Variants in NCOA6 observed in about 807,000 individuals in gnomAD.
NCOA6 encodes NRC RAP250.
A neutral mutation model predicts 171.4 loss-of-function variants in NCOA6; 49 were observed. The observed-to-expected ratio is 0.29, with a 90% CI of 0.23 to 0.36. The LOEUF is 0.36. NCOA6 is among the 10% of genes least tolerant of loss of function. The pLI, the probability that NCOA6 is intolerant of heterozygous loss-of-function variation, is 1.00. For synonymous variants in NCOA6, 910 were observed against 927.5 expected, an observed-to-expected ratio of 0.98 and a Z score of 0.34; for missense variants, 2,248 against 2,554.5, an observed-to-expected ratio of 0.88 and a Z score of 2.59.
intron 3 of NCOA6, 62 bp downstream of exon 3, chr20:34,782,059 C>G (rs2077528850): frequency 2.5e-6 from 3 of 1,191,722 alleles, no homozygotes; most frequent in Non-Finnish European, 3.5e-6. Context: ...CTCAAGATAA[C>G]CATGGAAGGG....
In NCOA6 at chr20:34,749,450, C is replaced by T. The variant is rs1347513922; in HGVS notation, c.2745G>A (p.Lys915=). 4 of 1,613,088 alleles carry T rather than the reference C, an allele frequency of 2.5e-6. No individual in the cohort carries two copies. In the Admixed American group the frequency reaches 6.7e-5, roughly 27 times the overall value. ...TCTTCTTCCGAGGGGGTTTCTTCTTCTTCGGTTTATTTGCGTTGGTATTAT... is the reference window on the plus strand; with the variant it reads ...TCTTCTTCCGAGGGGGTTTCTTCTTTTTCGGTTTATTTGCGTTGGTATTAT... ...KQNNTNANKP[K]KKKPPRKKKN... Residue 915 remains lysine, a synonymous_variant, in exon 9 of 15, where the codon AAG becomes AAA. Transcript: ENST00000359003.
intron 13 of NCOA6, among the ~76,000 whole-genome samples, chr20:34,731,967 G>A (rs1039156660): frequency 6.6e-6 from 1 of 152,220 alleles, no homozygotes; most frequent in East Asian, 1.9e-4. Flanking sequence ...GTTGCAGTGT[G>A]CCGAGATCGT....
intron 12 of NCOA6, among the ~76,000 whole-genome samples, chr20:34,735,789 T>C (rs2075937020): frequency 6.6e-6 from 1 of 152,208 alleles, no homozygotes; most frequent in Admixed American, 6.5e-5. Context: ...CATTCTGAAG[T>C]AGGTTTTAAA....
chr20:34,730,405 G>T (rs951547216), intron 13 of NCOA6, among the ~76,000 whole-genome samples: 2 of 151,998 alleles, frequency 1.3e-5, no homozygotes, highest in Non-Finnish European at 2.9e-5. Context: ...CCTAATGAAA[G>T]TGCCTCTTTC....
chr20:34,715,734 G>A (rs970621432), intron 14 of NCOA6, among the ~76,000 whole-genome samples: 2 of 152,156 alleles, frequency 1.3e-5, no homozygotes, highest in Non-Finnish European at 2.9e-5. Flanking sequence ...AGAAATCAAC[G>A]AGTAATGCCA....
At chr20:34,812,943 T>C (rs963843713) in intron 1 of NCOA6, among the ~76,000 whole-genome samples, 27 of 152,000 alleles carry the variant, frequency 1.8e-4, no homozygotes, top group African/African-American at 6.5e-4. Context: ...CCACCTATAA[T>C]GAGGTCAGGA....
chr20:34,742,187 C>T lies in NCOA6; in HGVS notation c.4069G>A (p.Ala1357Thr), dbSNP rs1407463066. The change falls in exon 11 of 15, where the codon GCC becomes ACC. Residue 1357 changes from alanine to threonine, a missense_variant. Coordinates refer to ENST00000359003, the MANE Select transcript of NCOA6 (RefSeq NM_014071.5). Reference protein sequence around the residue: ...QNSKAPKLTLASQTNAALLQN... With the variant: ...QNSKAPKLTLTSQTNAALLQN... ...AATAGGGCTGCATTTGTCTGAGAGG[C>T]CAGAGTAAGTTTAGGGGCTTTTGAA... 6.2e-7 allele frequency: 1 copy of T among 1,614,176 alleles called. No individual in the cohort carries two copies. The highest frequency in any genetic ancestry group is 1.1e-5 in the South Asian group (1 of 91,088).
In NCOA6 at chr20:34,719,402, C is replaced by T. The variant is rs186913435; in HGVS notation, c.6149-4037G>A. On this transcript the variant is annotated intron_variant, in intron 14 of 14. Coordinates refer to ENST00000359003, the MANE Select transcript of NCOA6 (RefSeq NM_014071.5). Reference sequence around the variant, plus strand: ...TCCCAGAACTTTGATTAGCAGAGGTCGGCAGATCACTTGAGGTCAGGAGTT... The same window carrying T: ...TCCCAGAACTTTGATTAGCAGAGGTTGGCAGATCACTTGAGGTCAGGAGTT... Among the ~76,000 whole-genome samples, 956 of 152,076 alleles carry T rather than the reference C, an allele frequency of 6.3e-3. 2 individuals are homozygous for T. Among genetic ancestry groups the T allele is most frequent in the Non-Finnish European group, 0.01 (702 of 67,996 alleles).
At chr20:34,781,231 A>G (rs2077508687) in intron 3 of NCOA6, among the ~76,000 whole-genome samples, 1 of 152,184 alleles carries the variant, frequency 6.6e-6, no homozygotes, top group South Asian at 2.1e-4. Flanking sequence ...ATCTCAAAAG[A>G]TAAAACCCCC....
intron 13 of NCOA6, among the ~76,000 whole-genome samples, chr20:34,729,052 G>C (rs775564925): frequency 1.3e-5 from 2 of 152,188 alleles, no homozygotes; most frequent in Non-Finnish European, 2.9e-5. Flanking sequence ...CTGTGTTCAA[G>C]CAATTCTCCT....
intron 8 of NCOA6, among the ~76,000 whole-genome samples, chr20:34,752,718 C>T (rs1046973284): frequency 6.6e-6 from 1 of 152,016 alleles, no homozygotes; most frequent in African/African-American, 2.4e-5. Context: ...CACCTGAGGT[C>T]AGGAGTTCGA....
Position 34,742,687 on chromosome 20 carries a change from G to A in NCOA6, c.3569C>T (p.Pro1190Leu), listed in dbSNP as rs2076182335. 6.2e-7 allele frequency: 1 copy of A among 1,614,160 alleles called. No individual in the cohort carries two copies. Among genetic ancestry groups the A allele is most frequent in the Non-Finnish European group, 8.5e-7 (1 of 1,180,036 alleles). ...TPQQPPVNSL[P>L]SSHGHHFPNV... ...TGGGAAGTGGTGGCCGTGAGAGCTG[G>A]GCAGGGAATTTACAGGGGGTTGCTG... Residue 1190 changes from proline (P) to leucine (L), a missense_variant, in exon 11 of 15, where the codon CCC becomes CTC. By Grantham distance (98) the Pro-to-Leu change is moderately conservative. Coordinates refer to ENST00000359003, the MANE Select transcript of NCOA6 (RefSeq NM_014071.5).
intron 11 of NCOA6, among the ~76,000 whole-genome samples, chr20:34,738,236 G>C (rs968653444): frequency 4.6e-5 from 7 of 152,086 alleles, no homozygotes; most frequent in Admixed American, 4.6e-4. Flanking sequence ...AAGCACAGAA[G>C]CCCCTTGAAA....
intron 14 of NCOA6, among the ~76,000 whole-genome samples, chr20:34,719,885 G>A (rs917146167): frequency 6.6e-6 from 1 of 152,136 alleles, no homozygotes; most frequent in Non-Finnish European, 1.5e-5. Context: ...ATAAATGTAT[G>A]TTCACTTGCA....
rs761643564 is a variant in NCOA6, at chr20:34,750,345, G to A, written c.1850C>T (p.Pro617Leu). ...GTGCATGCCCATCAGCTGAGATGGT[G>A]GGCCCTGCTGGGGCTGGCCTTGCAT... The part of the protein sequence containing the change: ...SNMQGQPQQG[P>L]PSQLMGMHQQ... The change falls in exon 9 of 15, where the codon CCA (proline) becomes CTA (leucine). Residue 617 changes from proline (P) to leucine (L), a missense_variant. Pro to Leu is a moderately conservative substitution (Grantham distance 98). Coordinates refer to ENST00000359003, the MANE Select transcript of NCOA6 (RefSeq NM_014071.5). The A allele has an allele frequency of 2.5e-6, 4 of 1,614,080 alleles. No individual in the cohort carries two copies. Among genetic ancestry groups the A allele is most frequent in the South Asian group, 1.1e-5 (1 of 91,072 alleles).
At chr20:34,731,706 T>A (rs1183959282) in intron 13 of NCOA6, among the ~76,000 whole-genome samples, 2 of 152,192 alleles carry the variant, frequency 1.3e-5, no homozygotes, top group African/African-American at 4.8e-5. Flanking sequence ...TGAGAAGTTC[T>A]TTAAAATATT....
At chr20:34,783,217 G>A (rs2077562378) in intron 2 of NCOA6, among the ~76,000 whole-genome samples, 1 of 152,194 alleles carries the variant, frequency 6.6e-6, no homozygotes, top group Non-Finnish European at 1.5e-5. Context: ...GGAGGGTGGA[G>A]GTTGAAGGGA....
intron 11 of NCOA6, chr20:34,738,872 T>C: frequency 2.2e-6 from 1 of 456,064 alleles, no homozygotes; most frequent in Non-Finnish European, 4.4e-6. Flanking sequence ...GAAGTTTGTG[T>C]TCTTTCTGCC....
At position 34,750,394 on chromosome 20, in the gene NCOA6, C is replaced by T; in HGVS notation, c.1801G>A (p.Val601Ile). 6.2e-7 allele frequency: 1 copy of T among 1,614,088 alleles called. No homozygotes were observed. The highest frequency in any genetic ancestry group is 8.5e-7 in the Non-Finnish European group (1 of 1,180,030). The change falls in exon 9 of 15, where the codon GTT (valine) becomes ATT (isoleucine). Residue 601 changes from valine (V) to isoleucine (I), a missense_variant. Val to Ile is a conservative substitution (Grantham distance 29). Around this residue, in one of 7 missense-constraint regions of NCOA6, gnomAD observed 987 missense variants for 1,104.7 expected, o/e 0.89. Coordinates refer to ENST00000359003, the MANE Select transcript of NCOA6 (RefSeq NM_014071.5). ...ATGTTGCTGAGGTTCACTTGAGGAA[C>T]CCCAGAAGTACCAGCCTGCTGATTG... ...MNNQQAGTSG[V>I]PQVNLSNMQG...
Sources: gnomAD v4.1 joint callset for allele counts (sites outside exome capture counted in the v4.1 genomes callset) on GRCh38, gnomAD v4.1.1 for gene constraint, gnomAD v4.1.1 regional missense constraint, MANE v1.5 for transcripts, NCBI Gene and HGNC (gene_info 2026-07-23, HGNC 2026-07-21) for gene names.